RFT1: variants seen among roughly 807,000 people sequenced by gnomAD.
RFT1 encodes the protein man(5)GlcNAc(2)-PP-dolichol translocation protein RFT1.
Under a neutral mutation model 62.2 loss-of-function variants are expected in RFT1, and 43 were observed. The ratio of observed to expected loss-of-function variants is 0.69; its 90% CI spans 0.54 to 0.89. RFT1 has a LOEUF of 0.89. RFT1 is among the 40% of genes least tolerant of loss of function. The pLI is 0.00. For missense variants in RFT1, 605 were observed against 649.9 expected (o/e 0.93, Z 0.75); for synonymous variants, 262 against 264.6 (o/e 0.99, Z 0.10).
rs1575509225 is a variant in RFT1 at position 53,130,345 on chromosome 3, A to G, written c.56T>C (p.Leu19Pro). Reference protein sequence around the residue: ...HAARLASSGLLLQVLFRLITF... With the variant: ...HAARLASSGLPLQVLFRLITF... The stretch of plus-strand genomic sequence containing the variant: ...CTGAAGGGCAGAGAGTACCTGCAGG[A>G]GGAGACCGGAGGAGGCCAGCCGGGC... Residue 19 changes from leucine (L) to proline (P), a missense_variant, in exon 1 of 13, where the codon CTC becomes CCC. By Grantham distance (98) the Leu-to-Pro change is moderately conservative. Coordinates refer to ENST00000296292, the MANE Select transcript of RFT1 (RefSeq NM_052859.4). The G allele has an allele frequency of 5.1e-6, 8 of 1,568,424 alleles. No individual in the cohort carries two copies. In the Admixed American group the frequency reaches 7.5e-5, roughly 15 times the overall value.
chr3:53,072,854 G>A, the RFT1 span, among the ~76,000 whole-genome samples: 1 of 152,218 alleles, frequency 6.6e-6, no homozygotes, highest in Non-Finnish European at 1.5e-5. Flanking sequence ...AGTGGCTGCC[G>A]GCGGCCAGGT....
chr3:53,087,526 ATT>A (rs138507991), downstream of RFT1, among the ~76,000 whole-genome samples: 65 of 147,442 alleles, frequency 4.4e-4, no homozygotes, highest in African/African-American at 6.7e-4. Context: ...TCAGGAAATA[ATT>A]TTTTTTTTTT....
At chr3:53,104,634 C>A (rs988378695) in intron 9 of RFT1, among the ~76,000 whole-genome samples, 7 of 152,226 alleles carry the variant, frequency 4.6e-5, no homozygotes, top group Admixed American at 6.5e-5. Flanking sequence ...TGAAGGTACT[C>A]TTAGGAAAAT....
At position 53,091,855 on chromosome 3, in the gene RFT1, CTACCCA is replaced by C; in HGVS notation, c.*42_*47del. ...CACAGAATGTGTTCCACCCACAGAA[CTACCCA>C]TAGCTGGTCCAGGTGCCTCGGGTGT... On this transcript the variant is annotated 3_prime_UTR_variant, in exon 13 of 13. Coordinates refer to ENST00000296292, the MANE Select transcript of RFT1 (RefSeq NM_052859.4). The C allele has an allele frequency of 6.3e-7, 1 of 1,596,896 alleles. No individual in the cohort carries two copies. Among genetic ancestry groups the C allele is most frequent in the Non-Finnish European group, 8.6e-7 (1 of 1,165,200 alleles).
downstream of RFT1, among the ~76,000 whole-genome samples, chr3:53,085,329 C>T (rs1300129878): frequency 6.6e-6 from 1 of 152,226 alleles, no homozygotes; most frequent in African/African-American, 2.4e-5. Flanking sequence ...AGCCTCCAGG[C>T]ACCACCTCCC....
chr3:53,090,915 A>G lies in RFT1; in HGVS notation c.*988T>C, dbSNP rs945884761. On this transcript the variant is annotated 3_prime_UTR_variant, in exon 13 of 13. Coordinates refer to ENST00000296292, the MANE Select transcript of RFT1 (RefSeq NM_052859.4). ...CCTGCCACTCTTGTCCTGGGGCTGG[A>G]ATTTGGTTGTATTGATCAATGCTGG... 3.3e-5 allele frequency: 5 copies of G among 152,146 alleles called. No homozygotes were observed. Among genetic ancestry groups the G allele is most frequent in the African/African-American group, 1.2e-4 (5 of 41,406 alleles). 9.4% of individuals were successfully genotyped at this position (152,146 alleles called of 1,614,324 possible).
At chr3:53,121,652 T>A in intron 5 of RFT1, 47 bp downstream of exon 5, 1 of 1,443,784 alleles carries the variant, frequency 6.9e-7, no homozygotes, top group Non-Finnish European at 9.6e-7. Context: ...GAAAAACCAG[T>A]TGGAGAAACA....
At chr3:53,120,693 C>T (rs1279182319) in intron 5 of RFT1, among the ~76,000 whole-genome samples, 2 of 152,066 alleles carry the variant, frequency 1.3e-5, no homozygotes, top group African/African-American at 4.8e-5. Flanking sequence ...TCCCTTCGAC[C>T]CTCTTTCCCT....
downstream of RFT1, among the ~76,000 whole-genome samples, chr3:53,084,883 C>A (rs748166519): frequency 6.6e-6 from 1 of 152,232 alleles, no homozygotes; most frequent in Non-Finnish European, 1.5e-5. Flanking sequence ...GGTCCCCATG[C>A]AGCTCCCTGG....
At chr3:53,088,075 T>C (rs150052741), downstream of RFT1, among the ~76,000 whole-genome samples, 64 of 152,338 alleles carry the variant, frequency 4.2e-4, no homozygotes, top group East Asian at 9.8e-3. Context: ...GTGAAGGGGC[T>C]GTCCTAGACC....
downstream of RFT1, among the ~76,000 whole-genome samples, chr3:53,086,461 ATC>A (rs1276244509): frequency 3.3e-5 from 5 of 152,062 alleles, no homozygotes; most frequent in Non-Finnish European, 7.4e-5. Flanking sequence ...AATTACAGGC[ATC>A]TGCCACCATG....
chr3:53,103,666 C>G, intron 10 of RFT1: 1 of 424,326 alleles, frequency 2.4e-6, no homozygotes, highest in Non-Finnish European at 4.4e-6. Context: ...AAGCGCTTGG[C>G]AAAACACATT....
intron 10 of RFT1, among the ~76,000 whole-genome samples, chr3:53,102,716 G>A (rs990439439): frequency 6.6e-6 from 1 of 152,210 alleles, no homozygotes; most frequent in African/African-American, 2.4e-5. Flanking sequence ...GAGATGGCCA[G>A]TACAGCTCAC....
At chr3:53,086,186 C>T (rs1041808882), downstream of RFT1, among the ~76,000 whole-genome samples, 1 of 152,228 alleles carries the variant, frequency 6.6e-6, no homozygotes, top group Admixed American at 6.5e-5. Context: ...AATTTTTCGT[C>T]TGCATCTGAT....
At chr3:53,099,553 G>T in intron 10 of RFT1, 67 bp from the exon 11 acceptor site, 1 of 1,244,114 alleles carries the variant, frequency 8.0e-7, no homozygotes. Context: ...CCTCAGTGCT[G>T]CTGAGTACCC....
In RFT1 at chr3:53,130,406, C is replaced by A. The variant is rs1191928207; in HGVS notation, c.-6G>T. 2.6e-6 allele frequency: 4 copies of A among 1,552,056 alleles called. No homozygotes were observed. Among genetic ancestry groups the A allele is most frequent in the Non-Finnish European group, 3.5e-6 (4 of 1,147,844 alleles). On this transcript the variant is annotated 5_prime_UTR_variant, in exon 1 of 13. Transcript: ENST00000296292. Reference sequence around the variant, plus strand: ...AGCACCTCCTGGCTGCCCATAGCCTCCGCGCCAGGCTCAGACACCAGGAAA... The same window carrying A: ...AGCACCTCCTGGCTGCCCATAGCCTACGCGCCAGGCTCAGACACCAGGAAA...
the RFT1 span, among the ~76,000 whole-genome samples, chr3:53,073,606 C>T: frequency 6.6e-6 from 1 of 152,208 alleles, no homozygotes; most frequent in Non-Finnish European, 1.5e-5. Context: ...GCCCATCATT[C>T]CCTTCGTTGT....
At chr3:53,104,594 G>C (rs1264769943) in intron 9 of RFT1, among the ~76,000 whole-genome samples, 2 of 152,134 alleles carry the variant, frequency 1.3e-5, no homozygotes, top group Non-Finnish European at 2.9e-5. Context: ...TGCTTCTCCT[G>C]CTAAACATTC....
At chr3:53,085,013 C>T (rs945013690), downstream of RFT1, among the ~76,000 whole-genome samples, 1 of 148,968 alleles carries the variant, frequency 6.7e-6, no homozygotes, top group Non-Finnish European at 1.5e-5. Flanking sequence ...CAGTGGCTGT[C>T]TTATAATCTG....
Sources: gnomAD v4.1 joint callset for allele counts (sites outside exome capture counted in the v4.1 genomes callset) on GRCh38, gnomAD v4.1.1 for gene constraint, MANE v1.5 for transcripts, NCBI Gene and HGNC (gene_info 2026-07-23, HGNC 2026-07-21) for gene names.